The following GPATCH2L variants were observed in gnomAD, a reference collection of about 807,000 sequenced individuals.
GPATCH2L encodes G patch domain-containing protein 2-like.
A neutral mutation model predicts 57.4 loss-of-function variants in GPATCH2L; 31 were observed. The observed-to-expected ratio is 0.54, with a 90% CI of 0.41 to 0.73. The LOEUF is 0.73. GPATCH2L is among the 30% of genes least tolerant of loss of function. GPATCH2L has a pLI of 0.00. For missense variants in GPATCH2L, 481 were observed against 599.9 expected, an observed-to-expected ratio of 0.80 and a Z score of 2.07; for synonymous variants, 199 against 210.7, an observed-to-expected ratio of 0.94 and a Z score of 0.48.
chr14:76,210,852 T>C lies in GPATCH2L; in HGVS notation c.*9001T>C, dbSNP rs369440377. The C allele has an allele frequency of 1.3e-5, 2 of 152,182 alleles. No homozygotes were observed. Among genetic ancestry groups the C allele is most frequent in the Non-Finnish European group, 2.9e-5 (2 of 68,038 alleles). 9.4% of individuals were successfully genotyped at this position (152,182 alleles called of 1,614,324 possible). A position where few individuals can be genotyped will look rare whatever the true frequency, so the allele number is the denominator to read the frequency against. ...GAAATGCCCCTTCATTCATTAGATG[T>C]GTATGGAACACATCTTATGCCAAGC... On this transcript the variant is annotated 3_prime_UTR_variant, in exon 10 of 10. Transcript: ENST00000261530.
At chr14:76,188,038 A>G (rs1156439540) in intron 8 of GPATCH2L, among the ~76,000 whole-genome samples, 3 of 152,114 alleles carry the variant, frequency 2.0e-5, no homozygotes, top group East Asian at 1.9e-4. Context: ...GTTGTTGCAA[A>G]TAACAGGATC....
At chr14:76,177,234 C>CAAG in intron 6 of GPATCH2L, among the ~76,000 whole-genome samples, 1 of 152,124 alleles carries the variant, frequency 6.6e-6, no homozygotes, top group Admixed American at 6.6e-5. Flanking sequence ...TTTGTAGAGA[C>CAAG]AGAGTTTAGC....
chr14:76,178,018 T>C lies in GPATCH2L; in HGVS notation c.1083T>C (p.Pro361=). 1 of 1,607,774 alleles carries C rather than the reference T, an allele frequency of 6.2e-7. No homozygotes were observed. The highest frequency in any genetic ancestry group is 8.5e-7 in the Non-Finnish European group (1 of 1,174,688). Reference sequence around the variant, plus strand: ...ATAAAGCGTTGGCTTCTGATTTTCCTCACATTTCTGCTTGTGCACATGAGG... The same window carrying C: ...ATAAAGCGTTGGCTTCTGATTTTCCCCACATTTCTGCTTGTGCACATGAGG... ...EKNKALASDF[P]HISACAHEFN... Residue 361 remains proline (P), a synonymous_variant, in exon 7 of 10, where the codon CCT becomes CCC. Coordinates refer to ENST00000261530, the MANE Select transcript of GPATCH2L (RefSeq NM_017926.4).
intron 2 of GPATCH2L, among the ~76,000 whole-genome samples, chr14:76,162,303 G>T (rs934350224): frequency 5.3e-5 from 8 of 152,130 alleles, no homozygotes; most frequent in African/African-American, 1.7e-4. Flanking sequence ...GGGCCTCTCC[G>T]CATGCCCATC....
rs1250293594 is a variant in GPATCH2L at position 76,210,336 on chromosome 14, A to C, written c.*8485A>C. On this transcript the variant is annotated 3_prime_UTR_variant, in exon 10 of 10. Transcript: ENST00000261530. ...CAGTCAAGATTCAGATTCAAGTCTG[A>C]TGTTAAAGAGTGTCTGTTCCCAATC... The C allele has an allele frequency of 2.0e-5, 3 of 152,224 alleles. No individual in the cohort carries two copies. The highest frequency in any genetic ancestry group is 7.2e-5 in the African/African-American group (3 of 41,456). The allele number at this position is 152,224 out of a possible 1,614,324, so 9.4% of individuals were successfully genotyped here. A position where few individuals can be genotyped will look rare whatever the true frequency, so the allele number is the denominator to read the frequency against.
chr14:76,217,553 A>G (rs1246066825), downstream of GPATCH2L, among the ~76,000 whole-genome samples: 2 of 151,928 alleles, frequency 1.3e-5, no homozygotes, highest in Non-Finnish European at 2.9e-5. Flanking sequence ...ACTAAATACT[A>G]CTAAAAATTT....
intron 5 of GPATCH2L, 74 bp downstream of exon 5, chr14:76,173,699 A>G: frequency 1.1e-6 from 1 of 943,882 alleles, no homozygotes; most frequent in South Asian, 1.3e-5. Flanking sequence ...TCCTATTAAC[A>G]ATCAGAGGTG....
At chr14:76,163,707 A>G (rs558431351) in intron 2 of GPATCH2L, among the ~76,000 whole-genome samples, 1 of 152,364 alleles carries the variant, frequency 6.6e-6, no homozygotes, top group South Asian at 2.1e-4. Context: ...GCGGGGTCAC[A>G]TGCCTCATAC....
intron 2 of GPATCH2L, among the ~76,000 whole-genome samples, chr14:76,161,289 A>C (rs1269270364): frequency 6.6e-6 from 1 of 150,556 alleles, no homozygotes; most frequent in Non-Finnish European, 1.5e-5. Flanking sequence ...TTTACTAAGA[A>C]AAGTTTTTTA....
rs992382058 is a variant in GPATCH2L, at chr14:76,202,077, G to T, written c.*226G>T. On this transcript the variant is annotated 3_prime_UTR_variant, in exon 10 of 10. Coordinates refer to ENST00000261530, the MANE Select transcript of GPATCH2L (RefSeq NM_017926.4). ...TGAGGCAGCAATTTTTTACAAAAAG[G>T]TCATCCTCTGCTCTATTTGTTACCT... 1.4e-5 allele frequency: 6 copies of T among 425,442 alleles called. No homozygotes were observed. The Admixed American group carries it at 1.6e-4, about 12-fold the overall frequency. 26.4% of individuals were successfully genotyped at this position (425,442 alleles called of 1,614,324 possible).
In GPATCH2L at chr14:76,203,103, A is replaced by T. The variant is rs2040336050; in HGVS notation, c.*1252A>T. On this transcript the variant is annotated 3_prime_UTR_variant, in exon 10 of 10. Coordinates refer to ENST00000261530, the MANE Select transcript of GPATCH2L (RefSeq NM_017926.4). ...ATGCATCTGCTTATTTTCTGTCTTA[A>T]ATAGGTGCTGAATGGGGCAGCACCT... The T allele has an allele frequency of 6.6e-6, 1 of 152,154 alleles. No homozygotes were observed. The highest frequency in any genetic ancestry group is 6.5e-5 in the Admixed American group (1 of 15,278). 9.4% of individuals were successfully genotyped at this position (152,154 alleles called of 1,614,324 possible).
rs1220069782 is a variant in GPATCH2L at position 76,214,225 on chromosome 14, T to C, written c.*12374T>C. On this transcript the variant is annotated 3_prime_UTR_variant, in exon 10 of 10. Coordinates refer to ENST00000261530, the MANE Select transcript of GPATCH2L (RefSeq NM_017926.4). The stretch of plus-strand genomic sequence containing the variant: ...TCATCCTATCCAAGAATAGGAGATG[T>C]ATTTCCATTTATTCAAGTCTATTTT... The C allele has an allele frequency of 6.6e-6, 1 of 152,186 alleles. No individual in the cohort carries two copies. Among genetic ancestry groups the C allele is most frequent in the East Asian group, 1.9e-4 (1 of 5,200 alleles). The allele number at this position is 152,186 out of a possible 1,614,324, so 9.4% of individuals were successfully genotyped here. A position where few individuals can be genotyped will look rare whatever the true frequency, so the allele number is the denominator to read the frequency against.
chr14:76,171,820 A>G (rs1395230820), intron 3 of GPATCH2L, 23 bp from the exon 4 acceptor site: 8 of 1,448,650 alleles, frequency 5.5e-6, no homozygotes, highest in Non-Finnish European at 7.5e-6. Context: ...ATTCTAGCTT[A>G]TGATATGATG....
At chr14:76,193,677 T>C (rs2040056838) in intron 8 of GPATCH2L, among the ~76,000 whole-genome samples, 1 of 152,150 alleles carries the variant, frequency 6.6e-6, no homozygotes, top group Non-Finnish European at 1.5e-5. Context: ...CTGTGCCTCT[T>C]TCTCTGCCTG....
Position 76,211,083 on chromosome 14 carries a change from A to G in GPATCH2L, c.*9232A>G, listed in dbSNP as rs2040435239. The G allele has an allele frequency of 6.6e-6, 1 of 152,244 alleles. No homozygotes were observed. The highest frequency in any genetic ancestry group is 2.1e-4 in the South Asian group (1 of 4,832). The allele number at this position is 152,244 out of a possible 1,614,324, so 9.4% of individuals were successfully genotyped here. ...AAAAAAACATTGAAAGAAATCCTGA[A>G]GGATAAGCAGGAGTTAAGAAGAGTG... On this transcript the variant is annotated 3_prime_UTR_variant, in exon 10 of 10. Transcript: ENST00000261530.
chr14:76,185,027 G>A (rs1445508086), intron 8 of GPATCH2L, among the ~76,000 whole-genome samples: 1 of 152,226 alleles, frequency 6.6e-6, no homozygotes, highest in Non-Finnish European at 1.5e-5. Flanking sequence ...CCTTACGGGA[G>A]GTAGACCTCT....
chr14:76,227,260 T>A (rs570356220), intron 1 of GPATCH2L, among the ~76,000 whole-genome samples: 115 of 152,292 alleles, frequency 7.6e-4, no homozygotes, highest in African/African-American at 2.7e-3. Flanking sequence ...CTGGCCGGCA[T>A]CTGTTCTGAT....
chr14:76,206,000 AGCTGTGGAT>A lies in GPATCH2L; in HGVS notation c.*4152_*4160del, dbSNP rs983252862. 3.3e-5 allele frequency: 5 copies of A among 152,764 alleles called. No individual in the cohort carries two copies. Among genetic ancestry groups the A allele is most frequent in the Non-Finnish European group, 2.9e-5 (2 of 68,266 alleles). 9.5% of individuals were successfully genotyped at this position (152,764 alleles called of 1,614,324 possible). On this transcript the variant is annotated 3_prime_UTR_variant, in exon 10 of 10. Transcript: ENST00000261530. ...TGAGAGCAGAGTGGCTTACTGTAGC[AGCTGTGGAT>A]GCAGTCTAGTTGGAGGCATGGCTTG...
At chr14:76,194,085 C>G (rs1223306265) in intron 8 of GPATCH2L, among the ~76,000 whole-genome samples, 1 of 152,138 alleles carries the variant, frequency 6.6e-6, no homozygotes, top group African/African-American at 2.4e-5. Flanking sequence ...CCACTCCGTT[C>G]AGACTGAAGT....
Sources: gnomAD v4.1 joint callset for allele counts (sites outside exome capture counted in the v4.1 genomes callset) on GRCh38, gnomAD v4.1.1 for gene constraint, MANE v1.5 for transcripts, NCBI Gene and HGNC (gene_info 2026-07-23, HGNC 2026-07-21) for gene names.